SRBD1: variants seen among roughly 807,000 people sequenced by gnomAD.
The protein encoded by SRBD1 is S1 RNA-binding domain-containing protein 1.
Under a neutral mutation model 115.3 loss-of-function variants are expected in SRBD1, and 88 were observed. That is an observed-to-expected ratio of 0.76 (90% CI 0.64 to 0.91). SRBD1 has a LOEUF of 0.91. Ranked by LOEUF, SRBD1 falls within the 40% of genes least tolerant of loss-of-function variation. SRBD1 has a pLI of 0.00. For synonymous variants in SRBD1, 509 were observed against 407.7 expected (o/e 1.25, Z -2.99); for missense variants, 1,385 against 1,177.4 (o/e 1.18, Z -2.58).
chr2:45,547,947 G>A (rs1013135053), intron 12 of SRBD1, among the ~76,000 whole-genome samples: 7 of 152,092 alleles, frequency 4.6e-5, no homozygotes, highest in Non-Finnish European at 8.8e-5. Flanking sequence ...ACACTGTTGT[G>A]AGACTATCCT....
At chr2:45,509,836 G>C (rs952620770) in intron 14 of SRBD1, among the ~76,000 whole-genome samples, 12 of 152,138 alleles carry the variant, frequency 7.9e-5, no homozygotes, top group African/African-American at 2.9e-4. Context: ...TTGGGCTCAA[G>C]TGATCCTCCC....
At chr2:45,548,672 A>T (rs1358912630) in intron 12 of SRBD1, among the ~76,000 whole-genome samples, 1 of 151,722 alleles carries the variant, frequency 6.6e-6, no homozygotes, top group Non-Finnish European at 1.5e-5. Flanking sequence ...AATTAATCAC[A>T]GCAACATAGT....
At chr2:45,419,388 AACCAT>A (rs1667930695) in intron 17 of SRBD1, among the ~76,000 whole-genome samples, 1 of 152,218 alleles carries the variant, frequency 6.6e-6, no homozygotes, top group Admixed American at 6.5e-5. Context: ...AAAATATGGT[AACCAT>A]ACCTTGAACC....
At chr2:45,509,978 T>C (rs1408679838) in intron 14 of SRBD1, among the ~76,000 whole-genome samples, 1 of 152,168 alleles carries the variant, frequency 6.6e-6, no homozygotes, top group Non-Finnish European at 1.5e-5. Flanking sequence ...CAAGTGATCC[T>C]CTCACCTTGG....
chr2:45,399,897 T>C (rs533716869), intron 19 of SRBD1, among the ~76,000 whole-genome samples: 54 of 152,286 alleles, frequency 3.5e-4, no homozygotes, highest in African/African-American at 1.1e-3. Flanking sequence ...CTGTGAATGT[T>C]TGAAAGAAGA....
At chr2:45,599,209 T>C (rs1171723214) in intron 4 of SRBD1, among the ~76,000 whole-genome samples, 3 of 152,158 alleles carry the variant, frequency 2.0e-5, no homozygotes, top group Non-Finnish European at 1.5e-5. Context: ...TTATGTTCAC[T>C]AAAACACCAT....
intron 14 of SRBD1, among the ~76,000 whole-genome samples, chr2:45,532,472 A>C (rs1030924208): frequency 1.3e-5 from 2 of 151,828 alleles, no homozygotes; most frequent in African/African-American, 4.8e-5. Flanking sequence ...ATAGGGATTA[A>C]TGCTGCATGA....
chr2:45,413,019 A>C, intron 19 of SRBD1, 95 bp downstream of exon 19: 4 of 1,393,810 alleles, frequency 2.9e-6, no homozygotes, highest in Non-Finnish European at 3.9e-6. Flanking sequence ...TTAAACGGTC[A>C]TATTTTTCAG....
At chr2:45,404,418 T>C (rs538809058) in intron 19 of SRBD1, among the ~76,000 whole-genome samples, 1 of 152,240 alleles carries the variant, frequency 6.6e-6, no homozygotes, top group East Asian at 1.9e-4. Flanking sequence ...TTCTTTAACT[T>C]TTCCCTTTTC....
At chr2:45,427,275 G>A (rs537644866) in intron 16 of SRBD1, among the ~76,000 whole-genome samples, 2 of 152,072 alleles carry the variant, frequency 1.3e-5, no homozygotes, top group East Asian at 3.9e-4. Context: ...GTGGAAGAAA[G>A]GATATTAACC....
Position 45,585,634 on chromosome 2 carries a change from T to A in SRBD1, c.789A>T (p.Glu263Asp). 6.2e-7 allele frequency: 1 copy of A among 1,611,396 alleles called. No individual in the cohort carries two copies. The highest frequency in any genetic ancestry group is 1.1e-5 in the South Asian group (1 of 90,458). Residue 263 changes from glutamate (E) to aspartate (D), a missense_variant, in exon 5 of 21, where the codon GAA becomes GAT. Transcript: ENST00000263736. ...INNLDADSLR[E>D]VQQTLEELRA... ...GTAGCTCTTCTAGGGTTTGCTGAAC[T>A]TCTCTCAAGGAATCAGCATCAAGGT...
chr2:45,558,624 TA>T (rs767103117), intron 10 of SRBD1, among the ~76,000 whole-genome samples: 7 of 151,986 alleles, frequency 4.6e-5, no homozygotes, highest in Non-Finnish European at 1.0e-4. Context: ...ACATAGTTCT[TA>T]ATATATTTAT....
Position 45,435,573 on chromosome 2 carries a change from C to CA in SRBD1, c.2050-15680dup, listed in dbSNP as rs11358109. Among the ~76,000 whole-genome samples, 188 of 142,574 alleles carry CA rather than the reference C, an allele frequency of 1.3e-3. 1 individual carries two copies. Among genetic ancestry groups the CA allele is most frequent in the Middle Eastern group, 7.4e-3 (2 of 270 alleles). The allele number at this position is 142,574 out of a possible 152,430, so 93.5% of individuals were successfully genotyped here. A position where few individuals can be genotyped will look rare whatever the true frequency, so the allele number is the denominator to read the frequency against. The stretch of plus-strand genomic sequence containing the variant: ...ACAAGGCCAGGGGAAAAAAAAAAAA[C>CA]AAAAAAAAAAAACAGCTGCCTGTGA... On this transcript the variant is annotated intron_variant, in intron 16 of 20. Transcript: ENST00000263736.
intron 14 of SRBD1, among the ~76,000 whole-genome samples, chr2:45,543,665 T>A (rs1672018633): frequency 6.6e-6 from 1 of 152,172 alleles, no homozygotes; most frequent in South Asian, 2.1e-4. Context: ...AAAATGATAA[T>A]AAAATGAAAT....
chr2:45,533,855 TG>T (rs994960020), intron 14 of SRBD1, among the ~76,000 whole-genome samples: 2 of 152,088 alleles, frequency 1.3e-5, no homozygotes, highest in Non-Finnish European at 2.9e-5. Context: ...ATTGTATCTT[TG>T]GCAAGAACTT....
chr2:45,396,189 C>T (rs1248206869), intron 19 of SRBD1, among the ~76,000 whole-genome samples: 1 of 152,018 alleles, frequency 6.6e-6, no homozygotes, highest in Non-Finnish European at 1.5e-5. Flanking sequence ...GTTATTCTAA[C>T]TGGAGTTTTA....
chr2:45,562,208 G>A (rs1672686733), intron 10 of SRBD1, among the ~76,000 whole-genome samples: 3 of 151,988 alleles, frequency 2.0e-5, no homozygotes, highest in Admixed American at 2.0e-4. Flanking sequence ...TACCTTGTCT[G>A]TTATTGGTGG....
At position 45,574,743 on chromosome 2, in the gene SRBD1, A is replaced by T. The variant is rs747441429; in HGVS notation, c.1073-20T>A. ...AAAGCCCTTTAGGAGAAGGGTAAAA[A>T]GGAAAACAAAAACAAAAAGTATACG... On this transcript the variant is annotated intron_variant, in intron 7 of 20. Transcript: ENST00000263736. 1 of 1,584,562 alleles carries T rather than the reference A, an allele frequency of 6.3e-7. No individual in the cohort carries two copies. The highest frequency in any genetic ancestry group is 8.6e-7 in the Non-Finnish European group (1 of 1,168,846).
At chr2:45,540,280 G>A (rs547455754) in intron 14 of SRBD1, among the ~76,000 whole-genome samples, 3 of 151,916 alleles carry the variant, frequency 2.0e-5, no homozygotes, top group African/African-American at 7.2e-5. Flanking sequence ...GGCAGAGGCT[G>A]CAGTGAGCTG....
Sources: gnomAD v4.1 joint callset for allele counts (sites outside exome capture counted in the v4.1 genomes callset) on GRCh38, gnomAD v4.1.1 for gene constraint, MANE v1.5 for transcripts, NCBI Gene and HGNC (gene_info 2026-07-23, HGNC 2026-07-21) for gene names.